The following ARL15 variants were observed in gnomAD, a reference collection of about 807,000 sequenced individuals.
ARL15 encodes the protein ARF like GTPase 15.
ARL15 carries 19 observed loss-of-function variants against 25.2 expected under a neutral mutation model. The ratio of observed to expected loss-of-function variants is 0.75; its 90% CI spans 0.53 to 1.10. The LOEUF (loss-of-function observed/expected upper bound fraction) is 1.10. Ranked by LOEUF, ARL15 falls within the 50% of genes least tolerant of loss-of-function variation. ARL15 has a pLI of 0.00. For missense variants in ARL15, 220 were observed against 246.0 expected (o/e 0.89, Z 0.71); for synonymous variants, 94 against 86.8 (o/e 1.08, Z -0.46).
At chr5:54,083,921 A>G (rs373271839) in intron 4 of ARL15, among the ~76,000 whole-genome samples, 15 of 152,194 alleles carry the variant, frequency 9.9e-5, no homozygotes, top group Admixed American at 5.2e-4. Context: ...TAAATGGAGT[A>G]GGGAGGGGGC....
chr5:54,062,470 G>A (rs924622488), intron 4 of ARL15, among the ~76,000 whole-genome samples: 1 of 150,220 alleles, frequency 6.7e-6, no homozygotes, highest in Non-Finnish European at 1.5e-5. Context: ...TCTTTCCTGC[G>A]CTGTTCTTGT....
intron 1 of ARL15, among the ~76,000 whole-genome samples, chr5:54,230,717 GT>G (rs1468133470): frequency 1.3e-5 from 2 of 152,016 alleles, no homozygotes; most frequent in Non-Finnish European, 2.9e-5. Flanking sequence ...CCTCATCCAG[GT>G]TCTCACTCCC....
At chr5:53,939,915 C>A (rs549217919) in intron 4 of ARL15, among the ~76,000 whole-genome samples, 980 of 83,592 alleles carry the variant, frequency 0.012, 4 homozygotes, top group Middle Eastern at 0.047. Flanking sequence ...CCAGAAAAAA[C>A]AACAACAACA....
chr5:54,082,961 A>C (rs1215278181), intron 4 of ARL15, among the ~76,000 whole-genome samples: 2 of 152,192 alleles, frequency 1.3e-5, no homozygotes, highest in Non-Finnish European at 2.9e-5. Flanking sequence ...CTTTGTTGAA[A>C]ATATGGGAAA....
chr5:53,925,532 G>A (rs1385139641), intron 4 of ARL15, among the ~76,000 whole-genome samples: 1 of 152,228 alleles, frequency 6.6e-6, no homozygotes, highest in African/African-American at 2.4e-5. Context: ...GCAGGGCACA[G>A]TGGCTCATGC....
intron 2 of ARL15, among the ~76,000 whole-genome samples, chr5:54,159,423 G>A (rs918027250): frequency 6.6e-6 from 1 of 152,156 alleles, no homozygotes; most frequent in Non-Finnish European, 1.5e-5. Flanking sequence ...ACAGCTCTTA[G>A]ACTCACCAGC....
chr5:54,114,678 T>C (rs1356452373), intron 3 of ARL15, among the ~76,000 whole-genome samples: 1 of 152,138 alleles, frequency 6.6e-6, no homozygotes, highest in Non-Finnish European at 1.5e-5. Context: ...TTGTCATGTA[T>C]CTAATAAATC....
In ARL15 at chr5:54,308,272, C is replaced by G. The variant is rs889940468; in HGVS notation, c.48+2160G>C. On this transcript the variant is annotated intron_variant, in intron 1 of 4. Transcript: ENST00000504924. ...AAATCTTTTCACAGGGGACACTTGG[C>G]ACACTCACAAAAACTAAACTGTTTC... is the stretch of plus-strand genomic sequence containing the variant. Among the ~76,000 whole-genome samples, 6 of 152,312 alleles carry G rather than the reference C, an allele frequency of 3.9e-5. No individual in the cohort carries two copies. The East Asian group carries it at 9.6e-4, about 24-fold the overall frequency.
chr5:53,940,387 AC>A (rs1450526509), intron 4 of ARL15, among the ~76,000 whole-genome samples: 5 of 152,194 alleles, frequency 3.3e-5, no homozygotes, highest in Admixed American at 1.3e-4. Context: ...AAACACCATA[AC>A]CTTTTGTCTC....
intron 4 of ARL15, chr5:54,075,673 G>C (rs1220029957): frequency 6.6e-6 from 1 of 152,090 alleles, no homozygotes; most frequent in Non-Finnish European, 1.5e-5. Flanking sequence ...TTTTAGTAGA[G>C]ATGGGGTTTT....
chr5:53,957,617 G>A (rs1747201631), intron 4 of ARL15, among the ~76,000 whole-genome samples: 1 of 151,892 alleles, frequency 6.6e-6, no homozygotes, highest in African/African-American at 2.4e-5. Context: ...GAGCCCAGGA[G>A]TTTGAGACCA....
chr5:54,230,622 T>C (rs1199873897), intron 1 of ARL15, among the ~76,000 whole-genome samples: 2 of 152,116 alleles, frequency 1.3e-5, no homozygotes, highest in Admixed American at 6.5e-5. Flanking sequence ...CAGCTGGACT[T>C]GGAAAAGGTG....
chr5:54,109,303 C>T (rs528613090), intron 4 of ARL15, among the ~76,000 whole-genome samples: 3 of 152,080 alleles, frequency 2.0e-5, no homozygotes, highest in African/African-American at 4.8e-5. Context: ...TCAACAAATA[C>T]TTAACACTGT....
chr5:54,094,291 A>G (rs1045786998), intron 4 of ARL15, among the ~76,000 whole-genome samples: 1 of 152,206 alleles, frequency 6.6e-6, no homozygotes, highest in East Asian at 1.9e-4. Flanking sequence ...TTCTTAAAAT[A>G]CAGAGGAAAA....
intron 4 of ARL15, among the ~76,000 whole-genome samples, chr5:53,927,521 A>C (rs1210641617): frequency 1.3e-5 from 2 of 152,124 alleles, no homozygotes; most frequent in Non-Finnish European, 2.9e-5. Context: ...AAGCCTTTGG[A>C]ATAAAGTTTC....
intron 3 of ARL15, among the ~76,000 whole-genome samples, chr5:54,126,883 GT>G (rs1465122228): frequency 6.6e-6 from 1 of 151,244 alleles, no homozygotes; most frequent in African/African-American, 2.4e-5. Flanking sequence ...AAGTTTTAGG[GT>G]ACATGTGCAC....
intron 4 of ARL15, among the ~76,000 whole-genome samples, chr5:54,032,684 T>A (rs1424414850): frequency 5.3e-5 from 8 of 151,958 alleles, no homozygotes. Context: ...TACTTAAGCA[T>A]GGGAATTACT....
At chr5:54,298,176 C>A (rs1758517703) in intron 1 of ARL15, among the ~76,000 whole-genome samples, 1 of 152,110 alleles carries the variant, frequency 6.6e-6, no homozygotes, top group South Asian at 2.1e-4. Context: ...GTACTAAGTT[C>A]CCGCACCCCA....
At chr5:54,133,236 G>A (rs1277266651) in intron 3 of ARL15, among the ~76,000 whole-genome samples, 1 of 152,200 alleles carries the variant, frequency 6.6e-6, no homozygotes, top group South Asian at 2.1e-4. Flanking sequence ...GATCTGGGAA[G>A]TGCCTACCAA....
Sources: allele counts gnomAD v4.1 joint callset (sites outside exome capture counted in the v4.1 genomes callset), GRCh38; gene constraint gnomAD v4.1.1; transcripts MANE v1.5; gene names NCBI Gene and HGNC (gene_info 2026-07-23, HGNC 2026-07-21).